The following OXR1 variants were observed in gnomAD, a reference collection of about 807,000 sequenced individuals.
OXR1 encodes oxidation resistance 1.
A neutral mutation model predicts 104.6 loss-of-function variants in OXR1; 41 were observed. The ratio of observed to expected loss-of-function variants is 0.39; its 90% CI spans 0.31 to 0.51. The LOEUF is 0.51. OXR1 is among the 20% of genes least tolerant of loss of function. OXR1 has a pLI of 0.77. For synonymous variants in OXR1, 348 were observed against 348.4 expected (o/e 1.00, Z 0.01); for missense variants, 955 against 1,031.9 (o/e 0.93, Z 1.02).
chr8:106,482,883 A>G (rs1361609152), intron 2 of OXR1, among the ~76,000 whole-genome samples: 2 of 152,016 alleles, frequency 1.3e-5, no homozygotes, highest in Non-Finnish European at 2.9e-5. Flanking sequence ...ATGAGTACAG[A>G]GTGTCTTACC....
intron 2 of OXR1, among the ~76,000 whole-genome samples, chr8:106,442,055 A>C (rs925859771): frequency 1.3e-5 from 2 of 152,184 alleles, no homozygotes; most frequent in East Asian, 3.9e-4. Flanking sequence ...TGTGTTTGTC[A>C]TCAGTAGCTC....
intron 3 of OXR1, among the ~76,000 whole-genome samples, chr8:106,626,808 A>C (rs1822208295): frequency 6.6e-6 from 1 of 150,928 alleles, no homozygotes; most frequent in African/African-American, 2.4e-5. Context: ...CGTTGTGATA[A>C]ATATTTCAAA....
intron 2 of OXR1, among the ~76,000 whole-genome samples, chr8:106,458,107 G>A (rs1820703407): frequency 6.6e-6 from 1 of 152,146 alleles, no homozygotes; most frequent in Non-Finnish European, 1.5e-5. Context: ...GATCACTAAA[G>A]AGATTAATAT....
At chr8:106,609,820 A>G (rs775721514) in intron 3 of OXR1, among the ~76,000 whole-genome samples, 2 of 135,770 alleles carry the variant, frequency 1.5e-5, no homozygotes, top group African/African-American at 2.8e-5. Context: ...CAATAAGTAT[A>G]TATGTGTGTG....
rs199751152 is a variant in OXR1, at chr8:106,474,012, T to TACACAC, written c.24-44893_24-44888dup. 9.8e-3 allele frequency among the ~76,000 whole-genome samples: 1,348 copies of TACACAC among 137,376 alleles called. 15 individuals carry two copies. The highest frequency in any genetic ancestry group is 0.019 in the African/African-American group (696 of 37,544). The allele number at this position is 137,376 out of a possible 152,430, so 90.1% of individuals were successfully genotyped here. Reference sequence around the variant, plus strand: ...ATATAATATATGTATTGTATATTTATACACACACACACACACACACACACA... The same window carrying TACACAC: ...ATATAATATATGTATTGTATATTTATACACACACACACACACACACACACACACACA... On this transcript the variant is annotated intron_variant, in intron 2 of 16. Transcript: ENST00000517566.
chr8:106,587,880 A>G (rs1818745740), intron 3 of OXR1, among the ~76,000 whole-genome samples: 1 of 152,210 alleles, frequency 6.6e-6, no homozygotes, highest in Non-Finnish European at 1.5e-5. Flanking sequence ...AAAGATAGAT[A>G]TTTAGGTAAA....
chr8:106,280,364 C>T (rs1041168912), intron 1 of OXR1, among the ~76,000 whole-genome samples: 16 of 152,162 alleles, frequency 1.1e-4, no homozygotes, highest in African/African-American at 3.6e-4. Flanking sequence ...GGTGTTGACA[C>T]GGCCATTCGG....
chr8:106,747,854 C>T (rs1394961765), intron 16 of OXR1, among the ~76,000 whole-genome samples: 1 of 152,206 alleles, frequency 6.6e-6, no homozygotes, highest in Non-Finnish European at 1.5e-5. Flanking sequence ...AAACTTACTG[C>T]AGCATCAGTG....
At chr8:106,623,390 TA>T (rs965695593) in intron 3 of OXR1, among the ~76,000 whole-genome samples, 48 of 147,156 alleles carry the variant, frequency 3.3e-4, no homozygotes, top group Middle Eastern at 3.5e-3. Flanking sequence ...TACACAATAG[TA>T]AAAAAAAAAC....
intron 2 of OXR1, among the ~76,000 whole-genome samples, chr8:106,426,968 G>A (rs772078204): frequency 2.0e-5 from 3 of 151,996 alleles, no homozygotes; most frequent in African/African-American, 7.3e-5. Flanking sequence ...GTTAAAAATG[G>A]TAAGAAATGG....
chr8:106,301,769 T>G (rs1388045910), intron 1 of OXR1, among the ~76,000 whole-genome samples: 1 of 152,158 alleles, frequency 6.6e-6, no homozygotes, highest in Middle Eastern at 3.2e-3. Flanking sequence ...CTTTCAAGAT[T>G]TATAGAGATA....
rs1586749996 is a variant in OXR1 at position 106,519,040 on chromosome 8, G to C, written c.121G>C (p.Ala41Pro). Residue 41 changes from alanine (A) to proline (P), a missense_variant, in exon 3 of 17, where the codon GCA becomes CCA. Physicochemically the swap from Ala to Pro is conservative, Grantham distance 27. Coordinates refer to ENST00000517566, the MANE Select transcript of OXR1 (RefSeq NM_001198533.2). ...AACACCACAAGCCAGTAAGCCCCCG[G>C]CACCCAAGACCCCCATCATTGAAGA... Reference protein sequence around the residue: ...KQTPQASKPPAPKTPIIEEEQ... With the variant: ...KQTPQASKPPPPKTPIIEEEQ... 6.4e-7 allele frequency: 1 copy of C among 1,551,872 alleles called. No individual in the cohort carries two copies. The highest frequency in any genetic ancestry group is 1.7e-4 in the Middle Eastern group (1 of 5,998).
intron 2 of OXR1, among the ~76,000 whole-genome samples, chr8:106,463,277 G>C (rs905213408): frequency 2.6e-5 from 4 of 152,100 alleles, no homozygotes; most frequent in East Asian, 1.9e-4. Context: ...GTTAGGAAGA[G>C]ATTTAATGGG....
At chr8:106,636,564 T>G (rs750710209) in intron 3 of OXR1, among the ~76,000 whole-genome samples, 2 of 152,218 alleles carry the variant, frequency 1.3e-5, no homozygotes, top group Non-Finnish European at 2.9e-5. Flanking sequence ...GTAGATGCCA[T>G]GTATTTATAG....
chr8:106,692,898 G>A, intron 7 of OXR1, 21 bp downstream of exon 7: 1 of 1,548,586 alleles, frequency 6.5e-7, no homozygotes, highest in East Asian at 2.3e-5. Context: ...ACACTTTAGA[G>A]AAGACCTTTA....
intron 1 of OXR1, among the ~76,000 whole-genome samples, chr8:106,355,516 C>T (rs1387676459): frequency 2.0e-5 from 3 of 151,608 alleles, no homozygotes; most frequent in Non-Finnish European, 4.4e-5. Flanking sequence ...GCTTTGAGTG[C>T]CTGTTAGGCA....
chr8:106,677,348 C>T (rs891224535), intron 3 of OXR1, among the ~76,000 whole-genome samples: 2 of 151,978 alleles, frequency 1.3e-5, no homozygotes, highest in Non-Finnish European at 1.5e-5. Flanking sequence ...TGCATTTTCT[C>T]ATTAGAGAAG....
intron 3 of OXR1, among the ~76,000 whole-genome samples, chr8:106,574,216 GT>G (rs1383950997): frequency 6.6e-6 from 1 of 150,896 alleles, no homozygotes; most frequent in Non-Finnish European, 1.5e-5. Context: ...GCCCCAAAAT[GT>G]TTATTTTTGT....
In OXR1 at chr8:106,673,027, G is replaced by A. The variant is rs545886864; in HGVS notation, c.221-6183G>A. Among the ~76,000 whole-genome samples the A allele has an allele frequency of 1.8e-4, 27 of 152,218 alleles. No individual in the cohort carries two copies. The South Asian group carries it at 5.4e-3, about 30-fold the overall frequency. On this transcript the variant is annotated intron_variant, in intron 3 of 16. Transcript: ENST00000517566. ...ATACAGTAAATTGGAACTACAAAGT[G>A]GGGTACTGCTATAAAGATACCCAAA...
Sources: gnomAD v4.1 joint callset for allele counts (sites outside exome capture counted in the v4.1 genomes callset) on GRCh38, gnomAD v4.1.1 for gene constraint, MANE v1.5 for transcripts, NCBI Gene and HGNC (gene_info 2026-07-23, HGNC 2026-07-21) for gene names.